Variants in TRAPPC9 observed in about 807,000 individuals in gnomAD.
TRAPPC9 encodes the protein trafficking protein particle complex subunit 9, also known as IKK2 binding protein.
A neutral mutation model predicts 124.0 loss-of-function variants in TRAPPC9; 83 were observed. That is an observed-to-expected ratio of 0.67 (90% CI 0.56 to 0.80). The LOEUF is 0.80. Ranked by LOEUF, TRAPPC9 falls within the 30% of genes least tolerant of loss-of-function variation. The pLI is 0.00. For synonymous variants in TRAPPC9, 638 were observed against 617.5 expected (o/e 1.03, Z -0.49); for missense variants, 1,302 against 1,508.3 (o/e 0.86, Z 2.27).
intron 19 of TRAPPC9, among the ~76,000 whole-genome samples, chr8:139,981,241 G>C (rs575732610): frequency 1.3e-5 from 2 of 152,294 alleles, no homozygotes; most frequent in South Asian, 4.1e-4. Flanking sequence ...TCTGGCCAGG[G>C]AGTCCAGAGC....
intron 21 of TRAPPC9, among the ~76,000 whole-genome samples, chr8:139,745,942 C>T (rs570841406): frequency 6.6e-6 from 1 of 152,364 alleles, no homozygotes; most frequent in South Asian, 2.1e-4. Context: ...AGTGACATTC[C>T]GAGAGGCATC....
chr8:140,251,463 A>C lies in TRAPPC9; in HGVS notation c.2431+1314T>G, dbSNP rs192679664. On this transcript the variant is annotated intron_variant, in intron 16 of 22. Coordinates refer to ENST00000438773, the MANE Select transcript of TRAPPC9 (RefSeq NM_001160372.4). ...TTCATTTTCTAATGTATCCAACCCT[A>C]AATCTGTTTTTCTACATTTGTTAAT... Among the ~76,000 whole-genome samples the C allele has an allele frequency of 4.6e-3, 706 of 152,356 alleles. 2 individuals carry two copies. The highest frequency in any genetic ancestry group is 7.5e-3 in the Non-Finnish European group (507 of 68,034).
At chr8:140,251,383 C>T (rs533542604) in intron 16 of TRAPPC9, among the ~76,000 whole-genome samples, 4 of 152,364 alleles carry the variant, frequency 2.6e-5, no homozygotes, top group Admixed American at 1.3e-4. Context: ...CCAAAAAAAT[C>T]CGTGTCATCA....
At chr8:139,971,547 C>T (rs1356001520) in intron 19 of TRAPPC9, among the ~76,000 whole-genome samples, 1 of 152,120 alleles carries the variant, frequency 6.6e-6, no homozygotes. Context: ...CCTGCCCCTG[C>T]CTTCATACCT....
intron 21 of TRAPPC9, among the ~76,000 whole-genome samples, chr8:139,883,206 G>A (rs191214367): frequency 7.9e-5 from 12 of 152,306 alleles, no homozygotes; most frequent in South Asian, 2.1e-4. Flanking sequence ...CAGCTCCCTC[G>A]CCATGTGATG....
chr8:140,343,887 C>A (rs1018781370), intron 9 of TRAPPC9, among the ~76,000 whole-genome samples: 1 of 152,148 alleles, frequency 6.6e-6, no homozygotes, highest in African/African-American at 2.4e-5. Flanking sequence ...CAAATCCACA[C>A]CCAGCTGAGT....
At chr8:140,379,366 T>C (rs1001299078) in intron 7 of TRAPPC9, among the ~76,000 whole-genome samples, 1 of 152,198 alleles carries the variant, frequency 6.6e-6, no homozygotes, top group East Asian at 1.9e-4. Context: ...CGACCGTGGG[T>C]GTAGCTGTGG....
chr8:139,870,329 T>C (rs547478592), intron 21 of TRAPPC9, among the ~76,000 whole-genome samples: 1 of 152,180 alleles, frequency 6.6e-6, no homozygotes, highest in Non-Finnish European at 1.5e-5. Context: ...CATGGGAGAA[T>C]GTTTTAAAAA....
intron 18 of TRAPPC9, among the ~76,000 whole-genome samples, chr8:140,007,970 T>G (rs1838866075): frequency 6.6e-6 from 1 of 152,192 alleles, no homozygotes; most frequent in Admixed American, 6.5e-5. Context: ...GGATAACAAG[T>G]GGATGACACA....
At chr8:139,779,803 G>A (rs1266458479) in intron 21 of TRAPPC9, among the ~76,000 whole-genome samples, 4 of 152,098 alleles carry the variant, frequency 2.6e-5, no homozygotes, top group Admixed American at 2.6e-4. Flanking sequence ...CCCTCCTGGA[G>A]TGAAGAGCAA....
At chr8:140,161,002 A>AT (rs910011075) in intron 17 of TRAPPC9, among the ~76,000 whole-genome samples, 4 of 152,232 alleles carry the variant, frequency 2.6e-5, no homozygotes, top group African/African-American at 9.6e-5. Context: ...AGAAGTGGCT[A>AT]TTTTTATCCG....
chr8:139,818,045 A>G (rs1392757448), intron 21 of TRAPPC9, among the ~76,000 whole-genome samples: 3 of 152,228 alleles, frequency 2.0e-5, no homozygotes, highest in Non-Finnish European at 4.4e-5. Context: ...CTGTTTATAC[A>G]TGAGTGTAGG....
At chr8:140,348,706 G>A (rs1299187979) in intron 9 of TRAPPC9, among the ~76,000 whole-genome samples, 1 of 152,172 alleles carries the variant, frequency 6.6e-6, no homozygotes, top group Non-Finnish European at 1.5e-5. Context: ...GGCTTCCTTT[G>A]GAGGTGATAA....
At chr8:140,443,236 C>A (rs79915922) in intron 2 of TRAPPC9, among the ~76,000 whole-genome samples, 2 of 148,136 alleles carry the variant, frequency 1.4e-5, no homozygotes, top group African/African-American at 2.5e-5. Context: ...GAGATCGAGA[C>A]CATCCTGGCT....
rs561637997 is a variant in TRAPPC9, at chr8:139,825,315, G to T, written c.3055+60564C>A. Among the ~76,000 whole-genome samples the T allele has an allele frequency of 6.6e-6, 1 of 152,214 alleles. No homozygotes were observed. The highest frequency in any genetic ancestry group is 2.4e-5 in the African/African-American group (1 of 41,472). ...ACACTGGGTCCCACTCTTTCCCGCC[G>T]AATGGAGGAGAGGAGAAGCACAGGT... On this transcript the variant is annotated intron_variant, in intron 21 of 22. Transcript: ENST00000438773. This position sits in a 1 kb window ranked among gnomAD's most constrained non-coding sequence, Gnocchi z 4.6.
chr8:139,821,754 G>A (rs1447212065), intron 21 of TRAPPC9, among the ~76,000 whole-genome samples: 1 of 152,202 alleles, frequency 6.6e-6, no homozygotes, highest in East Asian at 1.9e-4. Context: ...GCTCCATGAC[G>A]GTCCAGCCAC....
intron 21 of TRAPPC9, among the ~76,000 whole-genome samples, chr8:139,787,821 G>A (rs1363936836): frequency 6.6e-5 from 10 of 152,132 alleles, no homozygotes; most frequent in African/African-American, 2.2e-4. Flanking sequence ...GCTCCCAGGG[G>A]TGTGGCTTTG....
intron 4 of TRAPPC9, among the ~76,000 whole-genome samples, chr8:140,431,352 GA>G (rs2070638589): frequency 6.6e-6 from 1 of 151,950 alleles, no homozygotes; most frequent in Non-Finnish European, 1.5e-5. Flanking sequence ...AGCTACTCGG[GA>G]GGCTGAGGCA....
intron 15 of TRAPPC9, among the ~76,000 whole-genome samples, chr8:140,256,244 T>A (rs111843235): frequency 4.3e-4 from 66 of 152,186 alleles, no homozygotes; most frequent in African/African-American, 1.6e-3. Context: ...ATATGATTTA[T>A]CCTTTAGACG....
Sources: allele counts gnomAD v4.1 joint callset (sites outside exome capture counted in the v4.1 genomes callset), GRCh38; gene constraint gnomAD v4.1.1; non-coding constraint Gnocchi (gnomAD v3.1); transcripts MANE v1.5; gene names NCBI Gene and HGNC (gene_info 2026-07-23, HGNC 2026-07-21).